Variants in MSRB3 observed in about 807,000 individuals in gnomAD.
MSRB3 encodes methionine-R-sulfoxide reductase B3.
In MSRB3, 13 loss-of-function variants were observed where a neutral mutation model predicts 21.0. The observed-to-expected ratio is 0.62, with a 90% confidence interval of 0.40 to 0.98. The LOEUF (loss-of-function observed/expected upper bound fraction) is 0.98. Ranked by LOEUF, MSRB3 falls within the 50% of genes least tolerant of loss-of-function variation. The pLI, the probability that MSRB3 is intolerant of heterozygous loss-of-function variation, is 0.00. For synonymous variants in MSRB3, 87 were observed against 88.6 expected, an observed-to-expected ratio of 0.98 and a Z score of 0.10; for missense variants, 199 against 230.3, an observed-to-expected ratio of 0.86 and a Z score of 0.88.
At chr12:65,376,188 C>T (rs1878609070) in intron 5 of MSRB3, among the ~76,000 whole-genome samples, 1 of 147,114 alleles carries the variant, frequency 6.8e-6, no homozygotes, top group Admixed American at 7.0e-5. Flanking sequence ...GGCGCCGTCT[C>T]GGCTCACTGC....
intron 4 of MSRB3, among the ~76,000 whole-genome samples, chr12:65,332,077 C>A (rs933041074): frequency 1.3e-5 from 2 of 152,274 alleles, no homozygotes; most frequent in East Asian, 3.9e-4. Flanking sequence ...GGGCCCAGCC[C>A]CATTTTAGCA....
chr12:65,388,713 A>G (rs373256342), intron 5 of MSRB3, among the ~76,000 whole-genome samples: 4 of 152,068 alleles, frequency 2.6e-5, no homozygotes, highest in South Asian at 4.2e-4. Flanking sequence ...CTCCAAGAAC[A>G]TACAAAAATT....
intron 6 of MSRB3, among the ~76,000 whole-genome samples, chr12:65,456,972 C>T (rs1318185357): frequency 1.3e-5 from 2 of 151,910 alleles, no homozygotes; most frequent in Non-Finnish European, 2.9e-5. Context: ...GTTTATTTTC[C>T]TTTTGTTTTA....
At chr12:65,280,539 T>A (rs1433732255) in intron 1 of MSRB3, among the ~76,000 whole-genome samples, 1 of 152,236 alleles carries the variant, frequency 6.6e-6, no homozygotes, top group African/African-American at 2.4e-5. Context: ...ATTTTGAACA[T>A]CAAGTTTATA....
intron 5 of MSRB3, among the ~76,000 whole-genome samples, chr12:65,411,139 CT>C (rs578186251): frequency 1.9e-3 from 288 of 152,260 alleles, no homozygotes; most frequent in African/African-American, 6.6e-3. Context: ...TCAGTGTATA[CT>C]TTAACTAAGT....
chr12:65,415,771 G>A (rs1274864089), intron 5 of MSRB3, among the ~76,000 whole-genome samples: 4 of 152,134 alleles, frequency 2.6e-5, no homozygotes, highest in African/African-American at 7.2e-5. Flanking sequence ...TGAAAGAAAG[G>A]TAGACTGAAT....
intron 5 of MSRB3, among the ~76,000 whole-genome samples, chr12:65,444,579 A>G (rs1242711381): frequency 6.6e-6 from 1 of 152,184 alleles, no homozygotes; most frequent in Admixed American, 6.5e-5. Flanking sequence ...AGGGACCTTG[A>G]TTCCAAATAT....
intron 4 of MSRB3, among the ~76,000 whole-genome samples, chr12:65,347,981 A>T (rs1328379435): frequency 2.0e-5 from 3 of 151,816 alleles, no homozygotes; most frequent in Admixed American, 6.6e-5. Context: ...GCTGGATTCG[A>T]TTTGCCAGTA....
chr12:65,357,998 A>G (rs1877486654), intron 4 of MSRB3, among the ~76,000 whole-genome samples: 1 of 151,978 alleles, frequency 6.6e-6, no homozygotes, highest in Non-Finnish European at 1.5e-5. Context: ...GCCTACACTT[A>G]AAAAAGAGTA....
intron 5 of MSRB3, among the ~76,000 whole-genome samples, chr12:65,373,073 A>G (rs1044694090): frequency 1.3e-5 from 2 of 152,186 alleles, no homozygotes; most frequent in African/African-American, 4.8e-5. Context: ...ATGGACTAGT[A>G]ATGAGTAGGA....
chr12:65,344,835 A>G (rs1461393428), intron 4 of MSRB3, among the ~76,000 whole-genome samples: 2 of 152,092 alleles, frequency 1.3e-5, no homozygotes, highest in Non-Finnish European at 2.9e-5. Context: ...GTCAGGGTCT[A>G]CTTCAGTAAT....
At chr12:65,411,975 TAGAC>T (rs1016246216) in intron 5 of MSRB3, among the ~76,000 whole-genome samples, 33 of 152,182 alleles carry the variant, frequency 2.2e-4, no homozygotes, top group African/African-American at 7.9e-4. Flanking sequence ...ATAATAAGCT[TAGAC>T]AGGCAGCATA....
chr12:65,290,552 A>G (rs1872612640), intron 1 of MSRB3, among the ~76,000 whole-genome samples: 1 of 152,178 alleles, frequency 6.6e-6, no homozygotes, highest in Admixed American at 6.5e-5. Flanking sequence ...TTTGTTCTAC[A>G]GGTCTTTTAA....
intron 2 of MSRB3, among the ~76,000 whole-genome samples, chr12:65,323,948 A>T (rs1387720807): frequency 6.6e-6 from 1 of 152,204 alleles, no homozygotes; most frequent in Non-Finnish European, 1.5e-5. Flanking sequence ...TGTTTAATGT[A>T]AAATCACAAT....
At chr12:65,386,613 A>G (rs1052607788) in intron 5 of MSRB3, among the ~76,000 whole-genome samples, 3 of 152,012 alleles carry the variant, frequency 2.0e-5, no homozygotes, top group Non-Finnish European at 4.4e-5. Flanking sequence ...GGAACATATT[A>G]AATAGATACC....
At chr12:65,302,949 A>G (rs1263011864) in intron 1 of MSRB3, among the ~76,000 whole-genome samples, 1 of 152,110 alleles carries the variant, frequency 6.6e-6, no homozygotes, top group Admixed American at 6.6e-5. Flanking sequence ...TTATCTTGAG[A>G]TCGCTTTCTT....
At chr12:65,398,184 ACT>A (rs1194243993) in intron 5 of MSRB3, among the ~76,000 whole-genome samples, 1 of 152,308 alleles carries the variant, frequency 6.6e-6, no homozygotes, top group African/African-American at 2.4e-5. Flanking sequence ...GAATTGCCAC[ACT>A]GTCTTCCACA....
intron 5 of MSRB3, among the ~76,000 whole-genome samples, chr12:65,450,706 C>A (rs1190118709): frequency 7.2e-5 from 11 of 152,192 alleles, no homozygotes; most frequent in Non-Finnish European, 1.5e-4. Context: ...CCCCTTCCCC[C>A]ACCCTTTTAC....
intron 5 of MSRB3, among the ~76,000 whole-genome samples, chr12:65,391,405 T>C (rs543966971): frequency 1.3e-5 from 2 of 152,362 alleles, no homozygotes; most frequent in East Asian, 3.9e-4. Context: ...AGAGTATTTC[T>C]CTTCAGAGGC....
Sources: gnomAD v4.1 joint callset for allele counts (sites outside exome capture counted in the v4.1 genomes callset) on GRCh38, gnomAD v4.1.1 for gene constraint, MANE v1.5 for transcripts, NCBI Gene and HGNC (gene_info 2026-07-23, HGNC 2026-07-21) for gene names.